PDS5B: variants seen among roughly 807,000 people sequenced by gnomAD.
PDS5B encodes the protein sister chromatid cohesion protein PDS5 homolog B.
In PDS5B, 51 loss-of-function variants were observed where a neutral mutation model predicts 184.1. The ratio of observed to expected loss-of-function variants is 0.28; its 90% CI spans 0.22 to 0.35. The LOEUF is 0.35. Ranked by LOEUF, PDS5B falls within the 10% of genes least tolerant of loss-of-function variation. PDS5B has a pLI of 1.00. For synonymous variants in PDS5B, 566 were observed against 569.2 expected (o/e 0.99, Z 0.08); for missense variants, 1,180 against 1,723.3 (o/e 0.68, Z 5.58).
intron 1 of PDS5B, among the ~76,000 whole-genome samples, chr13:32,621,936 C>G (rs1013341594): frequency 6.6e-6 from 1 of 152,070 alleles, no homozygotes; most frequent in African/African-American, 2.4e-5. Context: ...CTGGTTTGAA[C>G]TATTCTTTAT....
At chr13:32,673,173 T>G (rs769244479) in intron 7 of PDS5B, 43 bp from the exon 8 acceptor site, 1 of 1,552,548 alleles carries the variant, frequency 6.4e-7, no homozygotes, top group East Asian at 2.2e-5. Context: ...TCAACTTGTC[T>G]CTGGTTTTTC....
At chr13:32,624,503 G>T (rs903337741) in intron 1 of PDS5B, among the ~76,000 whole-genome samples, 17 of 152,078 alleles carry the variant, frequency 1.1e-4, no homozygotes, top group Non-Finnish European at 2.2e-4. Flanking sequence ...GCAGCCTCTT[G>T]TTGCTTGCTG....
chr13:32,609,613 A>C (rs769215070), intron 1 of PDS5B, among the ~76,000 whole-genome samples: 2 of 152,226 alleles, frequency 1.3e-5, no homozygotes, highest in Non-Finnish European at 1.5e-5. Context: ...ACCATAGTCC[A>C]TGGAAATAGT....
intron 1 of PDS5B, among the ~76,000 whole-genome samples, chr13:32,595,005 T>G (rs2057836771): frequency 6.6e-6 from 1 of 152,186 alleles, no homozygotes; most frequent in Non-Finnish European, 1.5e-5. Context: ...AGGCTTCTAG[T>G]AACAACTATG....
At chr13:32,703,756 A>T (rs973814153) in intron 17 of PDS5B, among the ~76,000 whole-genome samples, 3 of 152,238 alleles carry the variant, frequency 2.0e-5, no homozygotes, top group Admixed American at 2.0e-4. Flanking sequence ...AGTGACTGTT[A>T]ATCTTTTCAA....
rs1593440334 is a variant in PDS5B, at chr13:32,692,414, C to CTTTTTTTTTTTTTTTTTTTTTT, written c.1470-1809_1470-1808insTTTTTTTTTTTTTTTTTTTTTT. Among the ~76,000 whole-genome samples, 14 of 69,124 alleles carry CTTTTTTTTTTTTTTTTTTTTTT rather than the reference C, an allele frequency of 2.0e-4. 6 individuals are homozygous for CTTTTTTTTTTTTTTTTTTTTTT. Among genetic ancestry groups the CTTTTTTTTTTTTTTTTTTTTTT allele is most frequent in the African/African-American group, 3.5e-4 (7 of 19,828 alleles). The allele number at this position is 69,124 out of a possible 152,430, so 45.3% of individuals were successfully genotyped here. A position where few individuals can be genotyped will look rare whatever the true frequency, so the allele number is the denominator to read the frequency against. On this transcript the variant is annotated intron_variant, in intron 13 of 34. Coordinates refer to ENST00000315596, the MANE Select transcript of PDS5B (RefSeq NM_015032.4). The stretch of plus-strand genomic sequence containing the variant: ...ATTAAACAAGTTTGCGTCCAAAAAG[C>CTTTTTTTTTTTTTTTTTTTTTT]CTTTTTTTTTTTTTTTTTTTTTTTT...
chr13:32,644,837 A>G (rs1370320917), intron 1 of PDS5B, among the ~76,000 whole-genome samples: 1 of 152,140 alleles, frequency 6.6e-6, no homozygotes, highest in African/African-American at 2.4e-5. Flanking sequence ...TTAGTATATA[A>G]TTTAAATATG....
chr13:32,627,153 G>T (rs914482714), intron 1 of PDS5B, among the ~76,000 whole-genome samples: 1 of 152,212 alleles, frequency 6.6e-6, no homozygotes, highest in African/African-American at 2.4e-5. Flanking sequence ...GACAGATCTT[G>T]AGAATAGCTG....
chr13:32,707,110 C>T (rs1952046141), intron 18 of PDS5B, 71 bp downstream of exon 18: 1 of 800,774 alleles, frequency 1.2e-6, no homozygotes, highest in Admixed American at 3.0e-5. Flanking sequence ...ATTATTTGTT[C>T]TTGATGTTTT....
At chr13:32,699,926 C>A in intron 16 of PDS5B, 57 bp downstream of exon 16, 1 of 1,456,644 alleles carries the variant, frequency 6.9e-7, no homozygotes, top group Non-Finnish European at 9.1e-7. Flanking sequence ...TTTATTGTTT[C>A]TCTCTTTTAT....
chr13:32,631,118 CTTT>C (rs1344354114), intron 1 of PDS5B, among the ~76,000 whole-genome samples: 1 of 87,388 alleles, frequency 1.1e-5, no homozygotes, highest in Non-Finnish European at 3.0e-5. Flanking sequence ...TTTTTTCTTT[CTTT>C]TTTTTTTTTT....
intron 11 of PDS5B, among the ~76,000 whole-genome samples, chr13:32,684,925 A>G (rs1951342986): frequency 6.6e-6 from 1 of 152,200 alleles, no homozygotes; most frequent in Non-Finnish European, 1.5e-5. Context: ...CATTCTGGCT[A>G]ACATGGCGAA....
rs80345264 is a variant in PDS5B, at chr13:32,728,758, G to A, written c.2124-3343G>A. Among the ~76,000 whole-genome samples, 936 of 152,216 alleles carry A rather than the reference G, an allele frequency of 6.1e-3. 17 individuals are homozygous for A. The highest frequency in any genetic ancestry group is 0.022 in the African/African-American group (905 of 41,524). On this transcript the variant is annotated intron_variant, in intron 19 of 34. Transcript: ENST00000315596. ...ACATTTCTCTGCTACCTGTTCCCTA[G>A]TGTCTGAAACCTTTAGCATATTTAT...
At chr13:32,659,378 C>G in intron 6 of PDS5B, 98 bp downstream of exon 6, 1 of 835,872 alleles carries the variant, frequency 1.2e-6, no homozygotes, top group South Asian at 4.0e-5. Context: ...CTGCTTTAAT[C>G]TTTTAGAGAA....
intron 13 of PDS5B, chr13:32,689,799 G>T (rs925685213): frequency 6.6e-6 from 1 of 152,076 alleles, no homozygotes; most frequent in Non-Finnish European, 1.5e-5. Context: ...TTGTTGGTTT[G>T]TCATAGCCTA....
At chr13:32,613,057 G>C (rs935845573) in intron 1 of PDS5B, among the ~76,000 whole-genome samples, 1 of 152,146 alleles carries the variant, frequency 6.6e-6, no homozygotes, top group African/African-American at 2.4e-5. Flanking sequence ...AAAGTTCACT[G>C]ATGTTTTAGC....
At chr13:32,663,080 T>A (rs1489507840) in intron 6 of PDS5B, among the ~76,000 whole-genome samples, 1 of 152,098 alleles carries the variant, frequency 6.6e-6, no homozygotes, top group Non-Finnish European at 1.5e-5. Context: ...AAACTCTGCC[T>A]ATAAAACAAA....
chr13:32,694,336 TA>T, intron 14 of PDS5B, 32 bp downstream of exon 14: 1 of 1,282,080 alleles, frequency 7.8e-7, no homozygotes, highest in East Asian at 2.4e-5. Flanking sequence ...CAATGTTTTT[TA>T]AAACACATGT....
chr13:32,650,139 TTAA>T (rs1950331437), intron 2 of PDS5B: 1 of 152,166 alleles, frequency 6.6e-6, no homozygotes, highest in South Asian at 2.1e-4. Flanking sequence ...TCATGAGTTA[TTAA>T]TGAGTTTTAT....
Sources: allele counts gnomAD v4.1 joint callset (sites outside exome capture counted in the v4.1 genomes callset), GRCh38; gene constraint gnomAD v4.1.1; transcripts MANE v1.5; gene names NCBI Gene and HGNC (gene_info 2026-07-23, HGNC 2026-07-21).